Variants in SNX30 observed in about 807,000 individuals in gnomAD.
The protein encoded by SNX30 is sorting nexin family member 30.
In SNX30, 24 loss-of-function variants were observed where a neutral mutation model predicts 46.4. The observed-to-expected ratio is 0.52, with a 90% CI of 0.37 to 0.73. The LOEUF (loss-of-function observed/expected upper bound fraction) is 0.73. SNX30 is among the 30% of genes least tolerant of loss of function. The pLI, the probability that SNX30 is intolerant of heterozygous loss-of-function variation, is 0.00. For synonymous variants in SNX30, 189 were observed against 211.5 expected (o/e 0.89, Z 0.92); for missense variants, 533 against 555.7 (o/e 0.96, Z 0.41).
chr9:112,775,499 C>T (rs186739479), intron 1 of SNX30, among the ~76,000 whole-genome samples: 1 of 149,126 alleles, frequency 6.7e-6, no homozygotes, highest in Non-Finnish European at 1.5e-5. Context: ...TTCTGGATAT[C>T]GTATATTCTC....
At chr9:112,879,338 C>T (rs765410379), downstream of SNX30, 1 of 162,932 alleles carries the variant, frequency 6.1e-6, no homozygotes, top group Non-Finnish European at 1.3e-5. Flanking sequence ...TTTGAGTTCT[C>T]CCATGGGACT....
intron 6 of SNX30, among the ~76,000 whole-genome samples, chr9:112,849,177 A>C (rs568063108): frequency 6.6e-6 from 1 of 152,280 alleles, no homozygotes; most frequent in Non-Finnish European, 1.5e-5. Context: ...CCACATTTGC[A>C]CGTCCATGGA....
At chr9:112,839,814 C>G (rs1165459214) in intron 6 of SNX30, among the ~76,000 whole-genome samples, 1 of 152,104 alleles carries the variant, frequency 6.6e-6, no homozygotes, top group Non-Finnish European at 1.5e-5. Context: ...GACCTGAATT[C>G]CAGAGAGAAA....
intron 1 of SNX30, among the ~76,000 whole-genome samples, chr9:112,766,409 A>G (rs977968691): frequency 6.6e-6 from 1 of 152,106 alleles, no homozygotes; most frequent in Non-Finnish European, 1.5e-5. Context: ...TTCTACAATA[A>G]TTTTGACATT....
intron 6 of SNX30, 79 bp downstream of exon 6, chr9:112,838,776 T>A: frequency 7.3e-7 from 1 of 1,372,788 alleles, no homozygotes; most frequent in Non-Finnish European, 1.0e-6. Context: ...TTATTGCCTG[T>A]TTGCATGTGA....
chr9:112,763,402 G>T (rs1308771756), intron 1 of SNX30, among the ~76,000 whole-genome samples: 3 of 107,798 alleles, frequency 2.8e-5, no homozygotes, highest in Non-Finnish European at 5.1e-5. Context: ...GTGTGTGTGT[G>T]TAGAGAGAGG....
downstream of SNX30, chr9:112,879,888 CAGGGTTA>C (rs894006264): frequency 7.0e-7 from 1 of 1,428,048 alleles, no homozygotes; most frequent in African/African-American, 1.4e-5. Context: ...ACTGCCCTCA[CAGGGTTA>C]ATGATAATTA....
chr9:112,767,649 A>T (rs954510714), intron 1 of SNX30, among the ~76,000 whole-genome samples: 2 of 151,794 alleles, frequency 1.3e-5, no homozygotes, highest in African/African-American at 4.8e-5. Flanking sequence ...GAGTGCAGTG[A>T]TGCGATCTCG....
At chr9:112,762,709 T>A (rs1588106984) in intron 1 of SNX30, among the ~76,000 whole-genome samples, 1 of 152,222 alleles carries the variant, frequency 6.6e-6, no homozygotes, top group East Asian at 1.9e-4. Context: ...AGAAAGCATT[T>A]AATCGCCCAT....
chr9:112,790,387 G>A (rs1038575891), intron 1 of SNX30, among the ~76,000 whole-genome samples: 2 of 152,172 alleles, frequency 1.3e-5, no homozygotes, highest in Admixed American at 6.5e-5. Context: ...AGGTCATGCC[G>A]TGTGTCAGTG....
chr9:112,804,651 T>G, intron 1 of SNX30, 125 bp from the exon 2 acceptor site: 4 of 738,266 alleles, frequency 5.4e-6, no homozygotes, highest in Non-Finnish European at 8.8e-6. Context: ...AGGGAGAGGC[T>G]CAGGTGTTTC....
intron 1 of SNX30, among the ~76,000 whole-genome samples, chr9:112,760,602 G>A (rs1839419520): frequency 6.6e-6 from 1 of 152,186 alleles, no homozygotes; most frequent in Admixed American, 6.5e-5. Context: ...AGCTAGGAGA[G>A]GAAGAGGGGC....
intron 1 of SNX30, among the ~76,000 whole-genome samples, chr9:112,761,621 G>A (rs1839437663): frequency 6.6e-6 from 1 of 152,174 alleles, no homozygotes; most frequent in Admixed American, 6.5e-5. Context: ...AGATTTTGGT[G>A]TAGTGGGGGT....
intron 3 of SNX30, among the ~76,000 whole-genome samples, chr9:112,825,877 G>C (rs535783749): frequency 1.6e-4 from 25 of 152,084 alleles, no homozygotes; most frequent in Non-Finnish European, 3.1e-4. Flanking sequence ...GGTGTGTCCC[G>C]TAAGGAATCT....
chr9:112,850,967 G>A, intron 7 of SNX30, 22 bp downstream of exon 7: 1 of 1,593,364 alleles, frequency 6.3e-7, no homozygotes, highest in Non-Finnish European at 8.6e-7. Context: ...CACCTGGGAA[G>A]GGCTGCAAAG....
intron 1 of SNX30, among the ~76,000 whole-genome samples, chr9:112,763,723 C>T (rs1839482340): frequency 6.6e-6 from 1 of 151,890 alleles, no homozygotes; most frequent in Non-Finnish European, 1.5e-5. Context: ...GCGGCGCGTG[C>T]CTGTAATCCC....
chr9:112,858,308 A>C (rs1364271420), intron 7 of SNX30, among the ~76,000 whole-genome samples: 1 of 152,132 alleles, frequency 6.6e-6, no homozygotes, highest in African/African-American at 2.4e-5. Context: ...TGAGCTCAGG[A>C]GTTCGAGACC....
At chr9:112,882,575 T>C (rs1201219978), downstream of SNX30, among the ~76,000 whole-genome samples, 1 of 152,094 alleles carries the variant, frequency 6.6e-6, no homozygotes, top group Non-Finnish European at 1.5e-5. Flanking sequence ...AGAGGCTAAC[T>C]CAGTCATCCA....
chr9:112,834,842 AAACAC>A lies in SNX30; in HGVS notation c.619-1370_619-1366del, dbSNP rs1564285708. Reference sequence around the variant, plus strand: ...CCGTGGATTAAACACACACACACACAAACACACACACACACACACACACACACACA... The same window carrying A: ...CCGTGGATTAAACACACACACACACAACACACACACACACACACACACACA... On this transcript the variant is annotated intron_variant, in intron 4 of 8. Coordinates refer to ENST00000374232, the MANE Select transcript of SNX30 (RefSeq NM_001012994.2). 2.3e-4 allele frequency among the ~76,000 whole-genome samples: 25 copies of A among 107,426 alleles called. 1 individual carries two copies. The highest frequency in any genetic ancestry group is 7.5e-4 in the African/African-American group (23 of 30,706). The allele number at this position is 107,426 out of a possible 152,430, so 70.5% of individuals were successfully genotyped here. A position where few individuals can be genotyped will look rare whatever the true frequency, so the allele number is the denominator to read the frequency against.
Sources: allele counts gnomAD v4.1 joint callset (sites outside exome capture counted in the v4.1 genomes callset), GRCh38; gene constraint gnomAD v4.1.1; transcripts MANE v1.5; gene names NCBI Gene and HGNC (gene_info 2026-07-23, HGNC 2026-07-21).